The following DNAH14 variants were observed in gnomAD, a reference collection of about 807,000 sequenced individuals.
The protein encoded by DNAH14 is axonemal beta dynein heavy chain 14.
DNAH14 carries 478 observed loss-of-function variants against 520.9 expected under a neutral mutation model. The observed-to-expected ratio is 0.92, with a 90% CI of 0.85 to 0.99. DNAH14 has a LOEUF of 0.99. DNAH14 is among the 50% of genes least tolerant of loss of function. The pLI is 0.00. For missense variants in DNAH14, 4,831 were observed against 5,234.5 expected, an observed-to-expected ratio of 0.92 and a Z score of 2.38; for synonymous variants, 1,581 against 1,757.2, an observed-to-expected ratio of 0.90 and a Z score of 2.51.
At chr1:225,139,774 G>A (rs767132107) in intron 27 of DNAH14, among the ~76,000 whole-genome samples, 3 of 152,208 alleles carry the variant, frequency 2.0e-5, no homozygotes, top group Non-Finnish European at 4.4e-5. Context: ...TGCAAATCTT[G>A]AATAAATGTC....
At chr1:225,096,315 G>C (rs1276914439) in intron 21 of DNAH14, among the ~76,000 whole-genome samples, 2 of 152,012 alleles carry the variant, frequency 1.3e-5, no homozygotes, top group Non-Finnish European at 2.9e-5. Context: ...GCAGTTTCTT[G>C]TGTATCAGTG....
At chr1:225,145,282 G>A (rs2079833087) in intron 29 of DNAH14, 44 bp from the exon 30 acceptor site, 1 of 1,458,164 alleles carries the variant, frequency 6.9e-7, no homozygotes, top group Admixed American at 2.1e-5. Flanking sequence ...TTAGTATTTT[G>A]TGTCATAATT....
chr1:225,063,785 G>A (rs1346545074), intron 17 of DNAH14, among the ~76,000 whole-genome samples: 1 of 151,780 alleles, frequency 6.6e-6, no homozygotes, highest in Non-Finnish European at 1.5e-5. Flanking sequence ...ATAGATCTGA[G>A]GAGCGCTCAA....
rs1195597672 is a variant in DNAH14, at chr1:225,205,921, A to G, written c.5978-50A>G. The G allele has an allele frequency of 2.8e-6, 4 of 1,414,444 alleles. No homozygotes were observed. In the Admixed American group the frequency reaches 8.5e-5, roughly 30 times the overall value. The allele number at this position is 1,414,444 out of a possible 1,614,324, so 87.6% of individuals were successfully genotyped here. On this transcript the variant is annotated intron_variant, in intron 39 of 85. Transcript: ENST00000682510. The stretch of plus-strand genomic sequence containing the variant: ...TAGAAAATTAGCAAGATTGTAATGA[A>G]AGATGACGGACATTAGTCTCAGTTA...
chr1:225,214,704 T>G (rs959542385), intron 41 of DNAH14, among the ~76,000 whole-genome samples: 1 of 152,254 alleles, frequency 6.6e-6, no homozygotes, highest in African/African-American at 2.4e-5. Context: ...TAGAGGTGTT[T>G]ATAGTATTCT....
chr1:225,047,971 G>C (rs948072967), intron 15 of DNAH14, among the ~76,000 whole-genome samples: 4 of 152,018 alleles, frequency 2.6e-5, no homozygotes, highest in African/African-American at 9.7e-5. Flanking sequence ...TGGTGTTAAG[G>C]GTTTTGACAA....
At chr1:225,130,038 C>A (rs905910612) in intron 27 of DNAH14, among the ~76,000 whole-genome samples, 1 of 152,172 alleles carries the variant, frequency 6.6e-6, no homozygotes, top group Admixed American at 6.5e-5. Context: ...CAAAAGAAGA[C>A]ATTTATGCAG....
At chr1:225,248,666 A>G (rs2092412307) in intron 43 of DNAH14, among the ~76,000 whole-genome samples, 1 of 152,206 alleles carries the variant, frequency 6.6e-6, no homozygotes, top group African/African-American at 2.4e-5. Context: ...GAAGAGTGAC[A>G]ACTAATAACA....
chr1:225,098,310 A>G (rs1440687971), intron 22 of DNAH14, among the ~76,000 whole-genome samples: 1 of 152,160 alleles, frequency 6.6e-6, no homozygotes. Flanking sequence ...TACCATTCAA[A>G]TTCATTGACC....
At chr1:225,213,148 C>G (rs1164260887) in intron 41 of DNAH14, among the ~76,000 whole-genome samples, 2 of 152,146 alleles carry the variant, frequency 1.3e-5, no homozygotes, top group Non-Finnish European at 2.9e-5. Flanking sequence ...TTTCCCAGCA[C>G]CATTTATTAA....
At chr1:225,284,405 A>G (rs1211895935) in intron 54 of DNAH14, among the ~76,000 whole-genome samples, 2 of 152,176 alleles carry the variant, frequency 1.3e-5, no homozygotes, top group Admixed American at 1.3e-4. Context: ...ACTTAGATAA[A>G]ATGTCTTTCC....
At chr1:225,004,477 TAAAG>T (rs1490962876) in intron 9 of DNAH14, among the ~76,000 whole-genome samples, 2 of 152,154 alleles carry the variant, frequency 1.3e-5, no homozygotes, top group Non-Finnish European at 2.9e-5. Context: ...GGCTTTTAAA[TAAAG>T]AATATAAATG....
intron 64 of DNAH14, among the ~76,000 whole-genome samples, chr1:225,329,954 G>GA (rs1191264830): frequency 2.6e-5 from 4 of 152,180 alleles, no homozygotes; most frequent in Non-Finnish European, 1.5e-5. Context: ...CATCTCTATA[G>GA]AAAAAAATCT....
intron 17 of DNAH14, among the ~76,000 whole-genome samples, chr1:225,062,194 A>G (rs1333639758): frequency 6.6e-6 from 1 of 152,116 alleles, no homozygotes; most frequent in African/African-American, 2.4e-5. Flanking sequence ...CCAGCTACTC[A>G]GGAGACTGAG....
chr1:225,128,335 A>T (rs2148929711), intron 27 of DNAH14, among the ~76,000 whole-genome samples: 1 of 152,292 alleles, frequency 6.6e-6, no homozygotes, highest in African/African-American at 2.4e-5. Flanking sequence ...CATCATCCTG[A>T]TACCAAAGCT....
At chr1:225,374,993 C>A in intron 78 of DNAH14, 108 bp downstream of exon 78, 2 of 1,029,656 alleles carry the variant, frequency 1.9e-6, no homozygotes, top group Non-Finnish European at 2.7e-6. Context: ...TTTTTAAAGG[C>A]TTTTAGTAGC....
chr1:225,271,889 AAC>A lies in DNAH14; in HGVS notation c.7672-15_7672-14del. 6.5e-7 allele frequency: 1 copy of A among 1,535,128 alleles called. No individual in the cohort carries two copies. The highest frequency in any genetic ancestry group is 1.4e-5 in the African/African-American group (1 of 72,036). ...TCAAATTTTTGGCAAGCTAAATTAT[AAC>A]ATTTCTTTTTAAAGGCTCATTTGGG... On this transcript the variant is annotated splice_polypyrimidine_tract_variant and intron_variant, in intron 50 of 85. Transcript: ENST00000682510.
intron 1 of DNAH14, among the ~76,000 whole-genome samples, chr1:224,935,058 A>G (rs1049122374): frequency 1.3e-5 from 2 of 151,940 alleles, no homozygotes; most frequent in African/African-American, 4.8e-5. Flanking sequence ...CATCATGAAT[A>G]CACATGAAAG....
At position 225,395,133 on chromosome 1, in the gene DNAH14, G is replaced by T. The variant is rs182475254; in HGVS notation, c.13491+2682G>T. ...ATTCCTATATTAGGAATTTTTTAATGAAGAATGGAAGCTAAATGTGATGAG... is the reference window on the plus strand; with the variant it reads ...ATTCCTATATTAGGAATTTTTTAATTAAGAATGGAAGCTAAATGTGATGAG... On this transcript the variant is annotated intron_variant, in intron 84 of 85. Transcript: ENST00000682510. Among the ~76,000 whole-genome samples, 10 of 152,246 alleles carry T rather than the reference G, an allele frequency of 6.6e-5. No individual in the cohort carries two copies. In the East Asian group the frequency reaches 1.9e-3, roughly 29 times the overall value.
Sources: allele counts gnomAD v4.1 joint callset (sites outside exome capture counted in the v4.1 genomes callset), GRCh38; gene constraint gnomAD v4.1.1; transcripts MANE v1.5; gene names NCBI Gene and HGNC (gene_info 2026-07-23, HGNC 2026-07-21).